Variants in COP1 observed in about 807,000 individuals in gnomAD.
COP1 encodes the protein COP1 E3 ubiquitin ligase, also known as E3 ubiquitin-protein ligase COP1.
Under a neutral mutation model 101.3 loss-of-function variants are expected in COP1, and 24 were observed. The observed-to-expected ratio is 0.24, with a 90% CI of 0.17 to 0.33. The LOEUF (loss-of-function observed/expected upper bound fraction) is 0.33. COP1 is among the 10% of genes least tolerant of loss of function. The pLI, the probability that COP1 is intolerant of heterozygous loss-of-function variation, is 1.00. For missense variants in COP1, 663 were observed against 906.2 expected (o/e 0.73, Z 3.45); for synonymous variants, 347 against 341.9 (o/e 1.01, Z -0.17).
At chr1:175,994,082 C>A (rs1381806893) in intron 15 of COP1, among the ~76,000 whole-genome samples, 1 of 152,116 alleles carries the variant, frequency 6.6e-6, no homozygotes, top group Non-Finnish European at 1.5e-5. Context: ...AGAGTGGGGG[C>A]CAATATTCAA....
At chr1:176,115,192 T>TA (rs1332676379) in intron 9 of COP1, among the ~76,000 whole-genome samples, 1 of 152,236 alleles carries the variant, frequency 6.6e-6, no homozygotes, top group Non-Finnish European at 1.5e-5. Context: ...CTCACGCCTG[T>TA]AATCCCAGCA....
intron 8 of COP1, among the ~76,000 whole-genome samples, chr1:176,120,103 G>A (rs1686863550): frequency 6.6e-6 from 1 of 152,116 alleles, no homozygotes; most frequent in South Asian, 2.1e-4. Context: ...ATGAAAAACA[G>A]TAACCTATAA....
chr1:176,033,816 T>A (rs1043762380), intron 14 of COP1, among the ~76,000 whole-genome samples: 1 of 152,116 alleles, frequency 6.6e-6, no homozygotes, highest in Non-Finnish European at 1.5e-5. Flanking sequence ...GTTTAAAAAA[T>A]TCCTCAGTTA....
intron 1 of COP1, among the ~76,000 whole-genome samples, chr1:176,203,658 T>C (rs1461200050): frequency 6.6e-6 from 1 of 152,238 alleles, no homozygotes; most frequent in Non-Finnish European, 1.5e-5. Context: ...ACTACTGTCC[T>C]GTATTAGATT....
chr1:175,998,261 T>G, intron 15 of COP1, among the ~76,000 whole-genome samples: 1 of 144,472 alleles, frequency 6.9e-6, no homozygotes, highest in African/African-American at 2.6e-5. Flanking sequence ...AATTGAACAA[T>G]GAGAACACAT....
At chr1:176,058,753 A>AT (rs1391628292) in intron 11 of COP1, among the ~76,000 whole-genome samples, 3 of 143,518 alleles carry the variant, frequency 2.1e-5, no homozygotes, top group Admixed American at 1.4e-4. Context: ...AGAATGATCA[A>AT]TAAAAAAAAA....
At position 176,075,331 on chromosome 1, in the gene COP1, G is replaced by A. The variant is rs189301660; in HGVS notation, c.1277+5821C>T. ...CCTCCAATAGTTTCTTTAGCTAATG[G>A]CTTAAATTTTAAGATCTTCATATAC... On this transcript the variant is annotated intron_variant, in intron 11 of 19. Coordinates refer to ENST00000367669, the MANE Select transcript of COP1 (RefSeq NM_022457.7). 4.8e-4 allele frequency among the ~76,000 whole-genome samples: 73 copies of A among 152,222 alleles called. 1 individual carries two copies. The East Asian group carries it at 0.013, about 27-fold the overall frequency.
chr1:175,960,207 T>C (rs1651166797), intron 18 of COP1, among the ~76,000 whole-genome samples: 1 of 152,176 alleles, frequency 6.6e-6, no homozygotes, highest in Non-Finnish European at 1.5e-5. Flanking sequence ...GGACAAAACA[T>C]AGACAGAGTG....
At chr1:176,118,620 G>A (rs1409105980) in intron 8 of COP1, among the ~76,000 whole-genome samples, 1 of 152,122 alleles carries the variant, frequency 6.6e-6, no homozygotes, top group Non-Finnish European at 1.5e-5. Context: ...GCTGTGTGTG[G>A]TGGTGGACGC....
At chr1:176,073,050 T>A (rs1677291914) in intron 11 of COP1, among the ~76,000 whole-genome samples, 2 of 152,210 alleles carry the variant, frequency 1.3e-5, no homozygotes, top group Non-Finnish European at 2.9e-5. Flanking sequence ...TATCCAAATC[T>A]CAGTTCTGTC....
At chr1:176,122,637 C>T (rs1459915009) in intron 8 of COP1, among the ~76,000 whole-genome samples, 1 of 152,128 alleles carries the variant, frequency 6.6e-6, no homozygotes, top group Non-Finnish European at 1.5e-5. Context: ...CTCTTGTCTT[C>T]TTTTAATTAG....
chr1:176,058,182 GA>G (rs1674101939), intron 11 of COP1, among the ~76,000 whole-genome samples: 1 of 34,412 alleles, frequency 2.9e-5, no homozygotes, highest in African/African-American at 6.0e-5. Flanking sequence ...GCCCGGTAGG[GA>G]GGGGGGGGGT....
intron 14 of COP1, 44 bp from the exon 15 acceptor site, chr1:176,027,732 A>T: frequency 8.9e-7 from 1 of 1,124,630 alleles, no homozygotes; most frequent in East Asian, 2.4e-5. Flanking sequence ...AACAAGTAAT[A>T]CATTAGTAAA....
chr1:176,199,775 T>C (rs528912746), intron 1 of COP1, among the ~76,000 whole-genome samples: 16 of 152,296 alleles, frequency 1.1e-4, no homozygotes, highest in African/African-American at 3.9e-4. Flanking sequence ...GGTGTGAAGG[T>C]AGACACAGAG....
At chr1:176,021,134 C>T (rs1666696631) in intron 15 of COP1, among the ~76,000 whole-genome samples, 1 of 152,182 alleles carries the variant, frequency 6.6e-6, no homozygotes, top group South Asian at 2.1e-4. Flanking sequence ...AGGTGTGAGC[C>T]ACCAGGTCCA....
chr1:176,064,157 T>C (rs1011429882), intron 11 of COP1, among the ~76,000 whole-genome samples: 4 of 152,146 alleles, frequency 2.6e-5, no homozygotes, highest in Non-Finnish European at 5.9e-5. Context: ...TTGCTGATTT[T>C]AAAAAAGCTC....
intron 5 of COP1, among the ~76,000 whole-genome samples, chr1:176,160,762 G>A (rs1694204321): frequency 6.6e-6 from 1 of 152,086 alleles, no homozygotes; most frequent in Non-Finnish European, 1.5e-5. Context: ...TTATTAAAAA[G>A]CCAAGAAACA....
At chr1:175,948,800 A>G (rs1412761678) in intron 18 of COP1, among the ~76,000 whole-genome samples, 2 of 152,166 alleles carry the variant, frequency 1.3e-5, no homozygotes, top group Non-Finnish European at 2.9e-5. Flanking sequence ...AAATAAAGAC[A>G]TGTGGGCATG....
At chr1:176,004,608 A>G (rs969596869) in intron 15 of COP1, among the ~76,000 whole-genome samples, 4 of 152,230 alleles carry the variant, frequency 2.6e-5, no homozygotes, top group African/African-American at 9.6e-5. Flanking sequence ...TATTGAGATA[A>G]TCATGTGGTT....
Sources: allele counts gnomAD v4.1 joint callset (sites outside exome capture counted in the v4.1 genomes callset), GRCh38; gene constraint gnomAD v4.1.1; transcripts MANE v1.5; gene names NCBI Gene and HGNC (gene_info 2026-07-23, HGNC 2026-07-21).